The following SPAG9 variants were observed in gnomAD, a reference collection of about 807,000 sequenced individuals.
SPAG9 encodes the protein sperm associated antigen 9.
A neutral mutation model predicts 166.5 loss-of-function variants in SPAG9; 35 were observed. That is an observed-to-expected ratio of 0.21 (90% CI 0.16 to 0.28). The LOEUF is 0.28. Ranked by LOEUF, SPAG9 falls within the 10% of genes least tolerant of loss-of-function variation. The pLI is 1.00. For missense variants in SPAG9, 1,235 were observed against 1,603.3 expected (o/e 0.77, Z 3.92); for synonymous variants, 534 against 565.5 (o/e 0.94, Z 0.79).
chr17:51,031,779 C>G, intron 5 of SPAG9, 57 bp from the exon 6 acceptor site: 1 of 1,287,202 alleles, frequency 7.8e-7, no homozygotes, highest in South Asian at 1.3e-5. Context: ...TAGGTTTTAA[C>G]ACAGCTGTAA....
At chr17:51,110,084 A>C (rs1251864722) in intron 1 of SPAG9, among the ~76,000 whole-genome samples, 2 of 152,176 alleles carry the variant, frequency 1.3e-5, no homozygotes, top group African/African-American at 4.8e-5. Flanking sequence ...GGAGATAAAT[A>C]TGTTAAGTAC....
rs191479198 is a variant in SPAG9 at position 51,096,734 on chromosome 17, A to G, written c.304-17030T>C. Among the ~76,000 whole-genome samples, 102 of 152,340 alleles carry G rather than the reference A, an allele frequency of 6.7e-4. 1 individual carries two copies. Among genetic ancestry groups the G allele is most frequent in the South Asian group, 3.5e-3 (17 of 4,832 alleles). ...AAAGGAAAGAATTAGATGCATATGT[A>G]TATCAACATGGACAGATCAACAGGT... On this transcript the variant is annotated intron_variant, in intron 1 of 29. Transcript: ENST00000262013.
At chr17:51,053,796 C>T (rs1299427988) in intron 3 of SPAG9, among the ~76,000 whole-genome samples, 2 of 138,842 alleles carry the variant, frequency 1.4e-5, no homozygotes, top group African/African-American at 5.3e-5. Flanking sequence ...TATGACTGCG[C>T]CACTGCACTC....
At chr17:51,017,795 A>T (rs1414496902) in intron 8 of SPAG9, among the ~76,000 whole-genome samples, 1 of 152,172 alleles carries the variant, frequency 6.6e-6, no homozygotes, top group Admixed American at 6.5e-5. Context: ...CCTCACAACC[A>T]TCTGAGGTAT....
chr17:51,063,609 T>C (rs1179911854), intron 2 of SPAG9, among the ~76,000 whole-genome samples: 1 of 151,974 alleles, frequency 6.6e-6, no homozygotes, highest in Non-Finnish European at 1.5e-5. Flanking sequence ...CAGGGCCAGT[T>C]GTAGTGGCTC....
intron 18 of SPAG9, among the ~76,000 whole-genome samples, chr17:50,994,516 T>C (rs913205458): frequency 6.6e-6 from 1 of 152,118 alleles, no homozygotes; most frequent in South Asian, 2.1e-4. Flanking sequence ...TTTGGGAGGC[T>C]GAGGTGGGAG....
intron 1 of SPAG9, among the ~76,000 whole-genome samples, chr17:51,081,030 C>T (rs974499243): frequency 1.3e-5 from 2 of 151,832 alleles, no homozygotes; most frequent in Non-Finnish European, 2.9e-5. Flanking sequence ...AGCTTTGACT[C>T]TTCTGTTTCT....
intron 1 of SPAG9, among the ~76,000 whole-genome samples, chr17:51,081,703 T>C (rs1027543799): frequency 3.3e-5 from 5 of 151,364 alleles, no homozygotes; most frequent in Non-Finnish European, 7.4e-5. Context: ...GATCACGCCA[T>C]TGCACTCCAG....
intron 3 of SPAG9, among the ~76,000 whole-genome samples, chr17:51,053,854 A>AAAAATAT (rs1491529465): frequency 2.0e-4 from 7 of 34,450 alleles, no homozygotes; most frequent in Admixed American, 4.8e-4. Flanking sequence ...AAAAAAAAAA[A>AAAAATAT]GTATATATAT....
At position 51,077,097 on chromosome 17, in the gene SPAG9, T is replaced by G. The variant is rs62062987; in HGVS notation, c.424+2487A>C. ...ATCTAGCTATCTAGCTAGCTATCTA[T>G]CTAGCTAGCTATCTAGCTATCTAGC... On this transcript the variant is annotated intron_variant, in intron 2 of 29. Coordinates refer to ENST00000262013, the MANE Select transcript of SPAG9 (RefSeq NM_001130528.3). Among the ~76,000 whole-genome samples, 389 of 115,504 alleles carry G rather than the reference T, an allele frequency of 3.4e-3. 1 individual carries two copies. The highest frequency in any genetic ancestry group is 4.9e-3 in the African/African-American group (146 of 29,568). 75.8% of individuals were successfully genotyped at this position (115,504 alleles called of 152,430 possible).
chr17:51,120,696 G>A lies in SPAG9; in HGVS notation c.-40C>T, dbSNP rs1490127453. ...GGGCGGGCGGCCCGGGGCGTCGCCGGCAGAGGGGCGGCACCTGCCCGCACG... is the reference window on the plus strand; with the variant it reads ...GGGCGGGCGGCCCGGGGCGTCGCCGACAGAGGGGCGGCACCTGCCCGCACG... On this transcript the variant is annotated 5_prime_UTR_variant, in exon 1 of 30. Transcript: ENST00000262013. This position sits in a 1 kb window ranked among gnomAD's most constrained non-coding sequence, Gnocchi z 4.7. 2 of 1,516,482 alleles carry A rather than the reference G, an allele frequency of 1.3e-6. No homozygotes were observed. Among genetic ancestry groups the A allele is most frequent in the Non-Finnish European group, 1.8e-6 (2 of 1,130,194 alleles). The allele number at this position is 1,516,482 out of a possible 1,614,324, so 93.9% of individuals were successfully genotyped here. A position where few individuals can be genotyped will look rare whatever the true frequency, so the allele number is the denominator to read the frequency against.
intron 1 of SPAG9, among the ~76,000 whole-genome samples, chr17:51,101,637 G>A (rs1435038268): frequency 6.6e-6 from 1 of 151,778 alleles, no homozygotes; most frequent in Non-Finnish European, 1.5e-5. Flanking sequence ...AGGGGGACAG[G>A]GGAGGGATGG....
At chr17:51,073,512 T>A (rs1246257485) in intron 2 of SPAG9, among the ~76,000 whole-genome samples, 1 of 151,408 alleles carries the variant, frequency 6.6e-6, no homozygotes, top group Non-Finnish European at 1.5e-5. Flanking sequence ...AAGTAATTTT[T>A]AAAATTAAAA....
intron 5 of SPAG9, among the ~76,000 whole-genome samples, chr17:51,032,791 G>A (rs2046430399): frequency 6.6e-6 from 1 of 151,976 alleles, no homozygotes; most frequent in Non-Finnish European, 1.5e-5. Context: ...AAAACTAGCT[G>A]GGCGTTGTGG....
intron 19 of SPAG9, among the ~76,000 whole-genome samples, chr17:50,992,462 G>A (rs1975669188): frequency 6.6e-6 from 1 of 152,140 alleles, no homozygotes; most frequent in African/African-American, 2.4e-5. Flanking sequence ...CTTGAGCCCA[G>A]GAGTTCCAGA....
intron 19 of SPAG9, among the ~76,000 whole-genome samples, chr17:50,991,831 C>G (rs549864000): frequency 1.3e-5 from 2 of 150,828 alleles, no homozygotes; most frequent in Admixed American, 1.3e-4. Flanking sequence ...ACCATGTTGG[C>G]CAGGCTGGTC....
intron 27 of SPAG9, 36 bp from the exon 28 acceptor site, chr17:50,974,983 C>T (rs762878695): frequency 1.3e-6 from 2 of 1,593,340 alleles, no homozygotes; most frequent in Non-Finnish European, 1.7e-6. Flanking sequence ...ATATTTTCCC[C>T]TAGAAAACAG....
chr17:50,982,460 T>C, intron 25 of SPAG9, 64 bp downstream of exon 25: 1 of 1,392,870 alleles, frequency 7.2e-7, no homozygotes, highest in Admixed American at 2.4e-5. Flanking sequence ...AAAATAATTA[T>C]AGTCTAATAG....
chr17:51,011,406 G>A (rs1253212640), intron 9 of SPAG9, among the ~76,000 whole-genome samples: 1 of 147,680 alleles, frequency 6.8e-6, no homozygotes, highest in Non-Finnish European at 1.5e-5. Flanking sequence ...TTTTTGAGAC[G>A]GAGTTTTGCT....
Sources: gnomAD v4.1 joint callset for allele counts (sites outside exome capture counted in the v4.1 genomes callset) on GRCh38, gnomAD v4.1.1 for gene constraint, Gnocchi (gnomAD v3.1) non-coding constraint, MANE v1.5 for transcripts, NCBI Gene and HGNC (gene_info 2026-07-23, HGNC 2026-07-21) for gene names.